ADGRE2: variants seen among roughly 807,000 people sequenced by gnomAD.
The protein encoded by ADGRE2 is CD97 antigen.
ADGRE2 carries 83 observed loss-of-function variants against 100.8 expected under a neutral mutation model. The ratio of observed to expected loss-of-function variants is 0.82; its 90% CI spans 0.69 to 0.99. The LOEUF (loss-of-function observed/expected upper bound fraction) is 0.99. Ranked by LOEUF, ADGRE2 falls within the 50% of genes least tolerant of loss-of-function variation. The pLI is 0.00. For missense variants in ADGRE2, 814 were observed against 1,035.7 expected (o/e 0.79, Z 2.94); for synonymous variants, 355 against 413.0 (o/e 0.86, Z 1.70).
intron 14 of ADGRE2, among the ~76,000 whole-genome samples, chr19:14,754,083 A>ATTATCTATCTATCTATCT (rs1439966412): frequency 6.7e-6 from 1 of 150,036 alleles, no homozygotes; most frequent in Non-Finnish European, 1.5e-5. Flanking sequence ...GCAGGCAGAA[A>ATTATCTATCTATCTATCT]AATGTGAAAA....
chr19:14,746,372 T>TCA, intron 17 of ADGRE2, 49 bp from the exon 18 acceptor site: 17 of 978,534 alleles, frequency 1.7e-5, no homozygotes, highest in Non-Finnish European at 2.2e-5. Context: ...AAACCTGTTA[T>TCA]CTCTTTTTTT....
At chr19:14,740,322 G>A (rs1440149848) in intron 20 of ADGRE2, among the ~76,000 whole-genome samples, 3 of 151,562 alleles carry the variant, frequency 2.0e-5, no homozygotes, top group Admixed American at 2.0e-4. Context: ...TGTGCAGGTT[G>A]GATGAAAAAG....
At chr19:14,742,034 C>T (rs115477007) in intron 20 of ADGRE2, 8,024 of 398,416 alleles carry the variant, frequency 0.02, 577 homozygotes, top group African/African-American at 0.15. Flanking sequence ...AGTGATCTTC[C>T]TGCTTTGGCC....
At chr19:14,761,936 C>T (rs976558398) in intron 11 of ADGRE2, among the ~76,000 whole-genome samples, 1 of 152,186 alleles carries the variant, frequency 6.6e-6, no homozygotes, top group Non-Finnish European at 1.5e-5. Context: ...TCCTTTCTCT[C>T]ACAAGAGAGA....
chr19:14,756,383 A>G (rs2043502678), intron 11 of ADGRE2, 38 bp from the exon 12 acceptor site: 1 of 1,428,414 alleles, frequency 7.0e-7, no homozygotes, highest in African/African-American at 1.4e-5. Flanking sequence ...GGGTTAGGTT[A>G]GGAATCGTGC....
intron 11 of ADGRE2, among the ~76,000 whole-genome samples, chr19:14,757,089 G>T (rs1415814172): frequency 6.6e-6 from 1 of 152,036 alleles, no homozygotes; most frequent in African/African-American, 2.4e-5. Context: ...TTTTTGTGGA[G>T]ATCATGTTTC....
intron 14 of ADGRE2, among the ~76,000 whole-genome samples, chr19:14,754,076 G>C (rs1027642550): frequency 3.3e-5 from 5 of 151,198 alleles, no homozygotes; most frequent in African/African-American, 1.2e-4. Context: ...AATATAAGCA[G>C]GCAGAAAAAT....
chr19:14,736,360 C>T (rs1475812937), intron 20 of ADGRE2, 116 bp from the exon 21 acceptor site: 11 of 621,520 alleles, frequency 1.8e-5, no homozygotes, highest in Non-Finnish European at 2.8e-5. Context: ...CTCCCAGGTT[C>T]AAGCAATTCT....
intron 18 of ADGRE2, among the ~76,000 whole-genome samples, chr19:14,745,992 T>C (rs2043074670): frequency 6.6e-6 from 1 of 152,226 alleles, no homozygotes; most frequent in Non-Finnish European, 1.5e-5. Flanking sequence ...TCAATGAAGA[T>C]TCTTCCTGTT....
At chr19:14,736,454 T>G in intron 20 of ADGRE2, among the ~76,000 whole-genome samples, 1 of 151,922 alleles carries the variant, frequency 6.6e-6, no homozygotes, top group East Asian at 1.9e-4. Context: ...AGAGACAGGG[T>G]TTCACCACGT....
intron 16 of ADGRE2, 86 bp downstream of exon 16, chr19:14,751,350 G>A: frequency 1.1e-6 from 1 of 931,152 alleles, no homozygotes; most frequent in Admixed American, 1.9e-5. Flanking sequence ...CTAATTAAAA[G>A]CAGGTGTCAT....
At chr19:14,764,251 T>C (rs1275786682) in intron 11 of ADGRE2, among the ~76,000 whole-genome samples, 182 bp downstream of exon 11, 8 of 145,398 alleles carry the variant, frequency 5.5e-5, no homozygotes, top group Non-Finnish European at 1.2e-4. Flanking sequence ...TTTTTTTTTG[T>C]AGAGATTGAG....
intron 4 of ADGRE2, 41 bp from the exon 5 acceptor site, chr19:14,772,538 G>T: frequency 6.2e-7 from 1 of 1,608,900 alleles, no homozygotes; most frequent in Non-Finnish European, 8.5e-7. Context: ...CCAAAGATGT[G>T]AGTTCCGTCA....
At chr19:14,772,620 T>C (rs373417712) in intron 4 of ADGRE2, 123 bp from the exon 5 acceptor site, 2 of 1,174,682 alleles carry the variant, frequency 1.7e-6, no homozygotes. Context: ...GGATCTCAAG[T>C]TGCACTGCAC....
chr19:14,727,174 T>C, the ADGRE2 span, among the ~76,000 whole-genome samples: 19 of 151,930 alleles, frequency 1.3e-4, no homozygotes, highest in African/African-American at 3.6e-4. Context: ...ACTACAGGTG[T>C]CCGCCACCAC....
intron 18 of ADGRE2, among the ~76,000 whole-genome samples, chr19:14,744,058 G>C (rs2043010217): frequency 6.6e-6 from 1 of 152,044 alleles, no homozygotes; most frequent in Non-Finnish European, 1.5e-5. Context: ...CGACCAACAT[G>C]GTGAAACCTG....
intron 16 of ADGRE2, among the ~76,000 whole-genome samples, chr19:14,750,527 C>A (rs1238448794): frequency 6.6e-6 from 1 of 151,994 alleles, no homozygotes; most frequent in African/African-American, 2.4e-5. Flanking sequence ...GTCTGCTGTT[C>A]TAGTCAACAG....
downstream of ADGRE2, among the ~76,000 whole-genome samples, chr19:14,727,662 T>C (rs924561284): frequency 2.0e-5 from 3 of 152,150 alleles, no homozygotes; most frequent in East Asian, 1.9e-4. Context: ...AGTGTGAGAT[T>C]TGGAGGGGAC....
At chr19:14,767,402 C>T (rs1369929347) in intron 5 of ADGRE2, among the ~76,000 whole-genome samples, 1 of 152,078 alleles carries the variant, frequency 6.6e-6, no homozygotes, top group East Asian at 1.9e-4. Flanking sequence ...CCATGCCCGG[C>T]TAATTTTTTG....
Sources: allele counts gnomAD v4.1 joint callset (sites outside exome capture counted in the v4.1 genomes callset), GRCh38; gene constraint gnomAD v4.1.1; transcripts MANE v1.5; gene names NCBI Gene and HGNC (gene_info 2026-07-23, HGNC 2026-07-21).